The following CPLANE1 variants were observed in gnomAD, a reference collection of about 807,000 sequenced individuals.
CPLANE1 encodes the protein ciliogenesis and planar polarity effector 1.
In CPLANE1, 263 loss-of-function variants were observed where a neutral mutation model predicts 362.5. The observed-to-expected ratio is 0.73, with a 90% CI of 0.66 to 0.80. The LOEUF is 0.80. Ranked by LOEUF, CPLANE1 falls within the 30% of genes least tolerant of loss-of-function variation. CPLANE1 has a pLI of 0.00. For missense variants in CPLANE1, 3,461 were observed against 3,793.4 expected (o/e 0.91, Z 2.30); for synonymous variants, 1,212 against 1,302.6 (o/e 0.93, Z 1.50).
At chr5:37,133,089 T>A (rs757450974) in intron 46 of CPLANE1, among the ~76,000 whole-genome samples, 4 of 152,194 alleles carry the variant, frequency 2.6e-5, no homozygotes, top group Non-Finnish European at 4.4e-5. Flanking sequence ...GCTGTAGGTA[T>A]GCAACTTTAT....
At chr5:37,233,567 C>T (rs1798235688) in intron 8 of CPLANE1, among the ~76,000 whole-genome samples, 1 of 152,066 alleles carries the variant, frequency 6.6e-6, no homozygotes, top group South Asian at 2.1e-4. Context: ...CACAGAGCAG[C>T]TATGTCATGG....
chr5:37,189,035 G>T (rs950731413), intron 21 of CPLANE1, among the ~76,000 whole-genome samples: 2 of 152,054 alleles, frequency 1.3e-5, no homozygotes, highest in Non-Finnish European at 2.9e-5. Flanking sequence ...TTTTAGTAGA[G>T]ACAGGGTTTC....
chr5:37,220,157 T>C (rs1795043261), intron 15 of CPLANE1, among the ~76,000 whole-genome samples: 1 of 151,260 alleles, frequency 6.6e-6, no homozygotes, highest in South Asian at 2.1e-4. Flanking sequence ...GAGGCTGAGG[T>C]GGAAGGATGG....
intron 51 of CPLANE1, among the ~76,000 whole-genome samples, chr5:37,112,399 T>A (rs1759611292): frequency 1.3e-5 from 2 of 151,854 alleles, no homozygotes; most frequent in African/African-American, 2.4e-5. Context: ...GATAAAAATA[T>A]AATGAGAAAA....
At chr5:37,246,978 C>T (rs1011021865) in intron 2 of CPLANE1, among the ~76,000 whole-genome samples, 2 of 152,190 alleles carry the variant, frequency 1.3e-5, no homozygotes, top group Admixed American at 6.5e-5. Context: ...ACTTTGGGAA[C>T]AGGGCCCAGC....
Position 37,245,297 on chromosome 5 carries a change from CTATATATATATA to C in CPLANE1, c.337+170_337+181del, listed in dbSNP as rs57781968. 0.071 allele frequency among the ~76,000 whole-genome samples: 4,222 copies of C among 59,402 alleles called. 196 individuals are homozygous for C. The highest frequency in any genetic ancestry group is 0.09 in the East Asian group (153 of 1,700). The allele number at this position is 59,402 out of a possible 152,430, so 39.0% of individuals were successfully genotyped here. ...GTATCACAGATAAACATAACCAAAACTATATATATATATATATATATATATATATATATATAT... is the reference window on the plus strand; with the variant it reads ...GTATCACAGATAAACATAACCAAAACTATATATATATATATATATATATAT... On this transcript the variant is annotated intron_variant, in intron 4 of 52. Transcript: ENST00000651892.
intron 6 of CPLANE1, among the ~76,000 whole-genome samples, chr5:37,240,275 G>A (rs956006044): frequency 6.6e-6 from 1 of 151,976 alleles, no homozygotes; most frequent in African/African-American, 2.4e-5. Context: ...GCTTGAACCC[G>A]GGAGGCGGAG....
chr5:37,152,476 T>C (rs1048880695), intron 42 of CPLANE1, among the ~76,000 whole-genome samples: 1 of 152,146 alleles, frequency 6.6e-6, no homozygotes, highest in Admixed American at 6.5e-5. Flanking sequence ...ATCCTTTTGA[T>C]ATAAATTGTT....
chr5:37,211,650 T>TC, intron 16 of CPLANE1: 1 of 804,952 alleles, frequency 1.2e-6, no homozygotes, highest in South Asian at 1.3e-5. Context: ...ACACATTGCT[T>TC]CCCCCAGTCC....
At chr5:37,183,748 T>G (rs1045500112) in intron 25 of CPLANE1, 49 bp from the exon 26 acceptor site, 1 of 1,265,204 alleles carries the variant, frequency 7.9e-7, no homozygotes, top group African/African-American at 1.5e-5. Flanking sequence ...ATTTAATCAC[T>G]AAAACTGATC....
intron 20 of CPLANE1, among the ~76,000 whole-genome samples, chr5:37,196,418 A>G (rs1787459340): frequency 6.6e-6 from 1 of 152,232 alleles, no homozygotes; most frequent in African/African-American, 2.4e-5. Flanking sequence ...TGGCAGAATT[A>G]GAAAGACACC....
At chr5:37,101,883 T>C (rs1035547536), downstream of CPLANE1, among the ~76,000 whole-genome samples, 3 of 152,236 alleles carry the variant, frequency 2.0e-5, no homozygotes, top group African/African-American at 7.2e-5. Flanking sequence ...CTAGTTTATG[T>C]GCATAGAGGT....
chr5:37,144,128 G>A lies in CPLANE1; in HGVS notation c.8462-1648C>T, dbSNP rs538588561. Among the ~76,000 whole-genome samples the A allele has an allele frequency of 4.3e-4, 65 of 151,628 alleles. 1 individual carries two copies. The South Asian group carries it at 6.7e-3, about 16-fold the overall frequency. ...AATATAAGGTAAATAAAAGAAATAC[G>A]GTCAGGCACGGTGGCTCACGCTTGT... On this transcript the variant is annotated intron_variant, in intron 43 of 52. Coordinates refer to ENST00000651892, the MANE Select transcript of CPLANE1 (RefSeq NM_001384732.1).
In CPLANE1 at chr5:37,140,654, T is replaced by C. The variant is rs1769414647; in HGVS notation, c.8633-1284A>G. 3 of 985,388 alleles carry C rather than the reference T, an allele frequency of 3.0e-6. No homozygotes were observed. The South Asian group carries it at 1.4e-4, about 46-fold the overall frequency. The allele number at this position is 985,388 out of a possible 1,614,324, so 61.0% of individuals were successfully genotyped here. A position where few individuals can be genotyped will look rare whatever the true frequency, so the allele number is the denominator to read the frequency against. On this transcript the variant is annotated intron_variant, in intron 44 of 52. Coordinates refer to ENST00000651892, the MANE Select transcript of CPLANE1 (RefSeq NM_001384732.1). Reference sequence around the variant, plus strand: ...TGAAGGATTCTCTTCCAATAACGACTGGGCTGCATATGGGGAAGTAGGTGA... The same window carrying C: ...TGAAGGATTCTCTTCCAATAACGACCGGGCTGCATATGGGGAAGTAGGTGA...
intron 16 of CPLANE1, chr5:37,211,313 A>C: frequency 2.0e-6 from 3 of 1,515,790 alleles, no homozygotes; most frequent in Non-Finnish European, 2.7e-6. Context: ...AGGCTTTCAG[A>C]AGTTACCATC....
At chr5:37,127,606 C>T (rs1422034340) in intron 46 of CPLANE1, among the ~76,000 whole-genome samples, 1 of 148,954 alleles carries the variant, frequency 6.7e-6, no homozygotes, top group Non-Finnish European at 1.5e-5. Context: ...GCAACCTCTG[C>T]CTCCCGGGTT....
intron 21 of CPLANE1, among the ~76,000 whole-genome samples, chr5:37,194,254 T>G (rs1786555449): frequency 6.6e-6 from 1 of 152,122 alleles, no homozygotes; most frequent in African/African-American, 2.4e-5. Context: ...GCCAAATCAC[T>G]TCTCAACAAT....
intron 8 of CPLANE1, among the ~76,000 whole-genome samples, chr5:37,234,201 A>G (rs1798389618): frequency 6.6e-6 from 1 of 152,202 alleles, no homozygotes; most frequent in African/African-American, 2.4e-5. Context: ...TGACACCACC[A>G]AAGGACCACA....
intron 26 of CPLANE1, among the ~76,000 whole-genome samples, chr5:37,182,073 C>T (rs1782805150): frequency 6.6e-6 from 1 of 151,958 alleles, no homozygotes; most frequent in African/African-American, 2.4e-5. Context: ...GCCTGGGTGA[C>T]AGAGTGAGAC....
Sources: allele counts gnomAD v4.1 joint callset (sites outside exome capture counted in the v4.1 genomes callset), GRCh38; gene constraint gnomAD v4.1.1; transcripts MANE v1.5; gene names NCBI Gene and HGNC (gene_info 2026-07-23, HGNC 2026-07-21).